RNF17: variants seen among roughly 807,000 people sequenced by gnomAD.
RNF17 encodes the protein spermatogenesis associated 23.
Under a neutral mutation model 200.5 loss-of-function variants are expected in RNF17, and 31 were observed. The observed-to-expected ratio is 0.15, with a 90% CI of 0.12 to 0.21. RNF17 has a LOEUF of 0.21. Among genes scored for constraint, RNF17 ranks in the 10% least tolerant of loss-of-function variants. The probability of loss-of-function intolerance (pLI) is 1.00; values close to 1 mark genes in which losing one functional copy is unlikely to be tolerated. For synonymous variants in RNF17, 606 were observed against 637.8 expected (o/e 0.95, Z 0.75); for missense variants, 1,628 against 1,905.1 (o/e 0.85, Z 2.71).
intron 7 of RNF17, among the ~76,000 whole-genome samples, chr13:24,788,618 A>G (rs1188187679): frequency 1.3e-5 from 2 of 152,140 alleles, no homozygotes; most frequent in Non-Finnish European, 2.9e-5. Flanking sequence ...TTTCTCTTCC[A>G]ATTCCATTCC....
chr13:24,886,284 T>A, the RNF17 span: 1 of 1,287,726 alleles, frequency 7.8e-7, no homozygotes, highest in Non-Finnish European at 1.0e-6. Context: ...TGTTAAAAAG[T>A]GTAACAGAGC....
chr13:24,861,903 AG>A (rs1893136976), intron 27 of RNF17, among the ~76,000 whole-genome samples: 1 of 152,210 alleles, frequency 6.6e-6, no homozygotes, highest in Non-Finnish European at 1.5e-5. Flanking sequence ...TGAAGAAAAG[AG>A]GGTTAATTGA....
At chr13:24,819,355 A>G (rs1196831920) in intron 15 of RNF17, among the ~76,000 whole-genome samples, 1 of 152,180 alleles carries the variant, frequency 6.6e-6, no homozygotes, top group Admixed American at 6.5e-5. Context: ...GTAAGCATTG[A>G]TAGGATTTCC....
intron 33 of RNF17, among the ~76,000 whole-genome samples, chr13:24,875,225 AAAC>A (rs750385274): frequency 1.5e-3 from 221 of 152,314 alleles, no homozygotes; most frequent in African/African-American, 4.4e-3. Flanking sequence ...GCTCAAATTG[AAAC>A]AACAACAAAC....
chr13:24,883,481 T>C, downstream of RNF17: 1 of 789,930 alleles, frequency 1.3e-6, no homozygotes, highest in South Asian at 1.8e-5. Flanking sequence ...TCTGGAGACA[T>C]CCCTTGGTTA....
At chr13:24,802,269 G>T in intron 13 of RNF17, 112 bp from the exon 14 acceptor site, 1 of 884,852 alleles carries the variant, frequency 1.1e-6, no homozygotes, top group Non-Finnish European at 1.7e-6. Context: ...GTCTGCGGTT[G>T]GTTCAGTTTG....
At position 24,788,005 on chromosome 13, in the gene RNF17, A is replaced by G; in HGVS notation, c.629A>G (p.Glu210Gly). The change falls in exon 7 of 36, where the codon GAA (glutamate) becomes GGA (glycine). Residue 210 changes from glutamate to glycine, a missense_variant. Coordinates refer to ENST00000255324, the MANE Select transcript of RNF17 (RefSeq NM_031277.3). ...AAATGAAGGAAAAAGAACCTGTGTG[A>G]AGAATTTGCAAGAACTACTGATGAT... ...FFDSRKKNLC[E>G]EFARTTDDYL... is the part of the protein sequence containing the mutation. 2 of 1,559,692 alleles carry G rather than the reference A, an allele frequency of 1.3e-6. No homozygotes were observed. Among genetic ancestry groups the G allele is most frequent in the Non-Finnish European group, 1.7e-6 (2 of 1,160,124 alleles).
chr13:24,756,737 T>C, the RNF17 span, among the ~76,000 whole-genome samples: 2 of 152,198 alleles, frequency 1.3e-5, no homozygotes, highest in East Asian at 3.8e-4. Context: ...TGCAAATAAT[T>C]TGACAACCCA....
chr13:24,829,906 A>G (rs1392986485), intron 16 of RNF17, among the ~76,000 whole-genome samples: 1 of 152,216 alleles, frequency 6.6e-6, no homozygotes, highest in African/African-American at 2.4e-5. Context: ...TGTTATATGA[A>G]TGAATCTTTG....
In RNF17 at chr13:24,868,517, TAAATTGGCAC is replaced by T. The variant is rs1314511151; in HGVS notation, c.4162-82_4162-73del. The T allele has an allele frequency of 6.6e-6, 4 of 602,438 alleles. No individual in the cohort carries two copies. In the African/African-American group the frequency reaches 8.2e-5, roughly 12 times the overall value. 37.3% of individuals were successfully genotyped at this position (602,438 alleles called of 1,614,324 possible). Reference sequence around the variant, plus strand: ...AACTTGCTTTCTGCTAATTGAAAGGTAAATTGGCACCATCATGAATTTTTATAATGTAATA... The same window carrying T: ...AACTTGCTTTCTGCTAATTGAAAGGTCATCATGAATTTTTATAATGTAATA... On this transcript the variant is annotated intron_variant, in intron 30 of 35. Coordinates refer to ENST00000255324, the MANE Select transcript of RNF17 (RefSeq NM_031277.3).
At chr13:24,847,256 G>A (rs552338736) in intron 22 of RNF17, among the ~76,000 whole-genome samples, 18 of 152,112 alleles carry the variant, frequency 1.2e-4, no homozygotes, top group African/African-American at 4.1e-4. Flanking sequence ...TTCATGATGA[G>A]AAATTAAGTA....
chr13:24,787,016 T>A (rs186014049), intron 6 of RNF17, among the ~76,000 whole-genome samples: 10 of 152,288 alleles, frequency 6.6e-5, no homozygotes, highest in Non-Finnish European at 8.8e-5. Context: ...TTGTTGTTTT[T>A]ATTTTTTTCA....
At chr13:24,877,918 C>T (rs755443987) in intron 34 of RNF17, among the ~76,000 whole-genome samples, 1 of 152,174 alleles carries the variant, frequency 6.6e-6, no homozygotes, top group Admixed American at 6.5e-5. Context: ...TTTTATTTAG[C>T]ACACAGTGTT....
At chr13:24,807,209 C>T (rs1405519189) in intron 15 of RNF17, among the ~76,000 whole-genome samples, 4 of 152,026 alleles carry the variant, frequency 2.6e-5, no homozygotes, top group Admixed American at 6.6e-5. Flanking sequence ...TTCTAGATCC[C>T]TGAGGAATCG....
intron 9 of RNF17, 139 bp downstream of exon 9, chr13:24,789,911 C>T: frequency 1.6e-6 from 1 of 608,818 alleles, no homozygotes; most frequent in African/African-American, 1.8e-5. Context: ...TTAAATTCTA[C>T]ATATAATGTT....
At chr13:24,762,369 T>TAAAA (rs370600110), upstream of RNF17, among the ~76,000 whole-genome samples, 1,048 of 113,654 alleles carry the variant, frequency 9.2e-3, 35 homozygotes, top group African/African-American at 0.023. Context: ...ACTCCATTTC[T>TAAAA]AAAAAAAAAA....
chr13:24,761,632 C>G (rs1230118966), upstream of RNF17, among the ~76,000 whole-genome samples: 2 of 152,186 alleles, frequency 1.3e-5, no homozygotes, highest in Non-Finnish European at 1.5e-5. Flanking sequence ...AGGCAGAGGG[C>G]AAACCTCCAA....
chr13:24,859,205 G>A, intron 26 of RNF17, 41 bp downstream of exon 26: 1 of 1,468,412 alleles, frequency 6.8e-7, no homozygotes, highest in Non-Finnish European at 9.2e-7. Context: ...AAAGCTAAAT[G>A]CTATAGCATT....
intron 30 of RNF17, among the ~76,000 whole-genome samples, chr13:24,868,342 C>G (rs1432863586): frequency 6.7e-6 from 1 of 148,278 alleles, no homozygotes; most frequent in Non-Finnish European, 1.5e-5. Flanking sequence ...TAGTGGCGGG[C>G]GCCTGTAGTC....
Sources: gnomAD v4.1 joint callset for allele counts (sites outside exome capture counted in the v4.1 genomes callset) on GRCh38, gnomAD v4.1.1 for gene constraint, MANE v1.5 for transcripts, NCBI Gene and HGNC (gene_info 2026-07-23, HGNC 2026-07-21) for gene names.